The following OLA1 variants were observed in gnomAD, a reference collection of about 807,000 sequenced individuals.
OLA1 encodes Obg like ATPase 1.
In OLA1, 14 loss-of-function variants were observed where a neutral mutation model predicts 48.4. The ratio of observed to expected loss-of-function variants is 0.29; its 90% CI spans 0.19 to 0.45. OLA1 has a LOEUF of 0.45. OLA1 is among the 20% of genes least tolerant of loss of function. The pLI is 1.00. For missense variants in OLA1, 325 were observed against 467.1 expected (o/e 0.70, Z 2.80); for synonymous variants, 127 against 150.4 (o/e 0.84, Z 1.14).
At chr2:174,077,862 ATC>A (rs1300695272) in intron 10 of OLA1, among the ~76,000 whole-genome samples, 6 of 152,058 alleles carry the variant, frequency 3.9e-5, no homozygotes, top group Admixed American at 3.9e-4. Flanking sequence ...TTGACAAATA[ATC>A]TGAGATTTTT....
chr2:174,125,324 G>A (rs934431868), intron 5 of OLA1, among the ~76,000 whole-genome samples: 3 of 152,144 alleles, frequency 2.0e-5, no homozygotes, highest in African/African-American at 7.2e-5. Context: ...AACTAATGTC[G>A]GAGGGGATTA....
At chr2:174,145,983 A>C (rs1050696332) in intron 4 of OLA1, among the ~76,000 whole-genome samples, 1 of 152,254 alleles carries the variant, frequency 6.6e-6, no homozygotes, top group African/African-American at 2.4e-5. Flanking sequence ...TAGGATAGGC[A>C]GGAAGAGCTC....
At chr2:174,162,565 T>C (rs1687034535) in intron 4 of OLA1, among the ~76,000 whole-genome samples, 1 of 152,230 alleles carries the variant, frequency 6.6e-6, no homozygotes, top group Non-Finnish European at 1.5e-5. Context: ...GTTCAGCTAC[T>C]GGTAGATTTT....
chr2:174,134,067 A>G (rs1686244965), intron 5 of OLA1, among the ~76,000 whole-genome samples: 1 of 152,214 alleles, frequency 6.6e-6, no homozygotes, highest in Admixed American at 6.5e-5. Context: ...TTCACATGGC[A>G]TAATGTTTTT....
At chr2:174,223,239 C>T in intron 3 of OLA1, 79 bp from the exon 4 acceptor site, 1 of 1,337,322 alleles carries the variant, frequency 7.5e-7, no homozygotes, top group Non-Finnish European at 1.1e-6. Flanking sequence ...CCAAACATTT[C>T]ACATAAATTC....
intron 4 of OLA1, among the ~76,000 whole-genome samples, chr2:174,176,092 T>A (rs1269628517): frequency 5.3e-5 from 8 of 152,044 alleles, no homozygotes; most frequent in Non-Finnish European, 1.0e-4. Context: ...AAACATTGTG[T>A]ATTTTGACTG....
intron 4 of OLA1, among the ~76,000 whole-genome samples, chr2:174,209,336 A>G (rs761152361): frequency 6.6e-6 from 1 of 152,188 alleles, no homozygotes; most frequent in Non-Finnish European, 1.5e-5. Context: ...TAGAGCTTCT[A>G]TCCCTCTCTG....
At chr2:174,076,994 C>T (rs1193579583) in intron 10 of OLA1, among the ~76,000 whole-genome samples, 1 of 151,920 alleles carries the variant, frequency 6.6e-6, no homozygotes, top group Non-Finnish European at 1.5e-5. Context: ...TTTGTTACCA[C>T]TCAAGTTTAC....
chr2:174,146,017 C>T (rs981696443), intron 4 of OLA1, among the ~76,000 whole-genome samples: 2 of 152,108 alleles, frequency 1.3e-5, no homozygotes, highest in African/African-American at 4.8e-5. Flanking sequence ...CTGAGCCAAA[C>T]GGCCAGAGGG....
intron 2 of OLA1, chr2:174,240,170 G>C (rs796782618): frequency 2.6e-5 from 4 of 151,970 alleles, no homozygotes; most frequent in African/African-American, 9.7e-5. Flanking sequence ...GTCCAGGCTA[G>C]AGTGTAGTGG....
chr2:174,188,493 G>A (rs756757121), intron 4 of OLA1, among the ~76,000 whole-genome samples: 3 of 152,166 alleles, frequency 2.0e-5, no homozygotes, highest in East Asian at 3.9e-4. Context: ...CAGCTGACAC[G>A]GGTATTCTGG....
chr2:174,092,781 T>G (rs891501094), intron 7 of OLA1, among the ~76,000 whole-genome samples: 6 of 152,220 alleles, frequency 3.9e-5, no homozygotes, highest in Non-Finnish European at 8.8e-5. Flanking sequence ...ATGCTTGTTT[T>G]TTAGCTGGAA....
chr2:174,232,305 A>G (rs1239240024), intron 2 of OLA1, among the ~76,000 whole-genome samples: 3 of 152,220 alleles, frequency 2.0e-5, no homozygotes, highest in Admixed American at 6.5e-5. Flanking sequence ...TGAATTAACT[A>G]TTTATATATA....
intron 4 of OLA1, among the ~76,000 whole-genome samples, chr2:174,150,661 T>C (rs1686722966): frequency 6.6e-6 from 1 of 152,224 alleles, no homozygotes; most frequent in Non-Finnish European, 1.5e-5. Flanking sequence ...ATATGCAAAC[T>C]ACAATATGCC....
intron 4 of OLA1, among the ~76,000 whole-genome samples, chr2:174,217,284 G>A (rs142920072): frequency 2.0e-4 from 31 of 151,290 alleles, no homozygotes; most frequent in African/African-American, 7.5e-4. Context: ...GGCTGCTCTC[G>A]CACTCCTGGG....
chr2:174,142,125 C>A, intron 4 of OLA1, 125 bp from the exon 5 acceptor site: 1 of 844,416 alleles, frequency 1.2e-6, no homozygotes, highest in Non-Finnish European at 1.8e-6. Context: ...GGCTTCTTGG[C>A]AAGTAGGATA....
At chr2:174,184,597 A>G (rs1443401789) in intron 4 of OLA1, among the ~76,000 whole-genome samples, 4 of 152,212 alleles carry the variant, frequency 2.6e-5, no homozygotes, top group Non-Finnish European at 5.9e-5. Context: ...AACTGGTGAA[A>G]TCTAAATGAA....
intron 4 of OLA1, among the ~76,000 whole-genome samples, chr2:174,196,095 A>T (rs186270876): frequency 6.6e-6 from 1 of 152,282 alleles, no homozygotes; most frequent in Admixed American, 6.5e-5. Flanking sequence ...GTTAATGCTC[A>T]TGCGAATATA....
At chr2:174,133,730 G>C (rs1686237494) in intron 5 of OLA1, among the ~76,000 whole-genome samples, 2 of 152,198 alleles carry the variant, frequency 1.3e-5, no homozygotes, top group Non-Finnish European at 2.9e-5. Flanking sequence ...GTAAGCAGCA[G>C]AGAGGTGGAC....
Sources: allele counts gnomAD v4.1 joint callset (sites outside exome capture counted in the v4.1 genomes callset), GRCh38; gene constraint gnomAD v4.1.1; transcripts MANE v1.5; gene names NCBI Gene and HGNC (gene_info 2026-07-23, HGNC 2026-07-21).